IKZF1: variants seen among roughly 807,000 people sequenced by gnomAD.
The protein encoded by IKZF1 is DNA-binding protein Ikaros.
IKZF1 carries 10 observed loss-of-function variants against 51.7 expected under a neutral mutation model. The observed-to-expected ratio is 0.19, with a 90% CI of 0.12 to 0.33. IKZF1 has a LOEUF of 0.33. IKZF1 is among the 10% of genes least tolerant of loss of function. The pLI is 1.00. For synonymous variants in IKZF1, 280 were observed against 282.3 expected, an observed-to-expected ratio of 0.99 and a Z score of 0.08; for missense variants, 484 against 707.5, an observed-to-expected ratio of 0.68 and a Z score of 3.58.
At chr7:50,362,698 G>A (rs1805622157) in intron 3 of IKZF1, among the ~76,000 whole-genome samples, 2 of 152,164 alleles carry the variant, frequency 1.3e-5, no homozygotes, top group Admixed American at 1.3e-4. Context: ...ACCAGTTGTA[G>A]GGAGATTTTG....
chr7:50,396,578 C>G (rs1354320229), intron 7 of IKZF1, among the ~76,000 whole-genome samples: 1 of 152,160 alleles, frequency 6.6e-6, no homozygotes. Flanking sequence ...CTTTCTTCCC[C>G]TGTATTTCTA....
chr7:50,334,762 A>G (rs933167768), intron 3 of IKZF1, among the ~76,000 whole-genome samples: 1 of 147,800 alleles, frequency 6.8e-6, no homozygotes, highest in African/African-American at 2.5e-5. Context: ...TGCGGTGTGT[A>G]TGTATGGTGT....
chr7:50,303,610 C>T (rs1313411067), upstream of IKZF1, among the ~76,000 whole-genome samples: 1 of 152,100 alleles, frequency 6.6e-6, no homozygotes, highest in Non-Finnish European at 1.5e-5. This position sits in a 1 kb window ranked among gnomAD's most constrained non-coding sequence, Gnocchi z 4.7. Context: ...ACTTTTCCCA[C>T]CCCCTCGGGT....
intron 3 of IKZF1, among the ~76,000 whole-genome samples, chr7:50,330,021 G>T (rs1796092184): frequency 6.6e-6 from 1 of 152,158 alleles, no homozygotes; most frequent in Non-Finnish European, 1.5e-5. Flanking sequence ...GGGTTTTCCT[G>T]GGTGGGAGAT....
rs1014064137 is a variant in IKZF1 at position 50,382,716 on chromosome 7, C to T, written c.589+9C>T. Reference sequence around the variant, plus strand: ...CCTGAGGACGCACTCCGGTAGGTCCCCTGGATGCAGTCCGGGGCTGTCTGG... The same window carrying T: ...CCTGAGGACGCACTCCGGTAGGTCCTCTGGATGCAGTCCGGGGCTGTCTGG... On this transcript the variant is annotated intron_variant, in intron 5 of 7. Transcript: ENST00000331340. 2.5e-6 allele frequency: 4 copies of T among 1,602,244 alleles called. No individual in the cohort carries two copies. The highest frequency in any genetic ancestry group is 2.7e-5 in the African/African-American group (2 of 74,992).
chr7:50,371,448 G>C (rs1387407319), intron 3 of IKZF1, among the ~76,000 whole-genome samples: 1 of 152,248 alleles, frequency 6.6e-6, no homozygotes, highest in Non-Finnish European at 1.5e-5. Flanking sequence ...TCTAGGTAAA[G>C]GAAAAGGTCT....
chr7:50,326,050 A>AAGT (rs559223125), intron 2 of IKZF1, among the ~76,000 whole-genome samples: 149 of 152,354 alleles, frequency 9.8e-4, no homozygotes, highest in African/African-American at 3.3e-3. Flanking sequence ...CCAGAGAATG[A>AAGT]AGTAGTATTC....
intron 3 of IKZF1, among the ~76,000 whole-genome samples, chr7:50,374,100 G>A (rs1397063529): frequency 6.6e-6 from 1 of 152,176 alleles, no homozygotes; most frequent in African/African-American, 2.4e-5. Context: ...TGGTCTCCAA[G>A]TCCACCATGT....
Position 50,387,448 on chromosome 7 carries a change from C to T in IKZF1, c.693C>T (p.Gly231=), listed in dbSNP as rs746814899. ...GCCACAACTACTTGGAAAGCATGGG[C>T]CTTCCGGGCACACTGTACCCAGGTA... ...ERCHNYLESM[G]LPGTLYPVIK... Residue 231 remains glycine, a synonymous_variant, in exon 6 of 8, where the codon GGC becomes GGT. Transcript: ENST00000331340. The T allele has an allele frequency of 1.2e-6, 2 of 1,611,616 alleles. No individual in the cohort carries two copies. The highest frequency in any genetic ancestry group is 2.2e-5 in the South Asian group (2 of 90,588).
chr7:50,359,638 G>A (rs767992334), intron 3 of IKZF1, among the ~76,000 whole-genome samples: 1 of 152,260 alleles, frequency 6.6e-6, no homozygotes, highest in African/African-American at 2.4e-5. Flanking sequence ...ATTTGCACAT[G>A]TACATACACA....
Position 50,331,013 on chromosome 7 carries a change from C to T in IKZF1, c.160+3256C>T, listed in dbSNP as rs576825172. Among the ~76,000 whole-genome samples, 3 of 152,032 alleles carry T rather than the reference C, an allele frequency of 2.0e-5. No homozygotes were observed. In the East Asian group the frequency reaches 5.8e-4, roughly 29 times the overall value. The stretch of plus-strand genomic sequence containing the variant: ...CCTCACTTTCCTCTTTTGAAGGTGG[C>T]AATAGTAACTGAACCTGCATCACAG... On this transcript the variant is annotated intron_variant, in intron 3 of 7. Coordinates refer to ENST00000331340, the MANE Select transcript of IKZF1 (RefSeq NM_006060.6).
intron 1 of IKZF1, among the ~76,000 whole-genome samples, chr7:50,316,150 C>T (rs1218470067): frequency 6.6e-6 from 1 of 152,096 alleles, no homozygotes; most frequent in Non-Finnish European, 1.5e-5. Context: ...TTCAGGTGCC[C>T]GTCAAGTCAT....
chr7:50,311,801 T>C (rs1790234293), intron 1 of IKZF1, among the ~76,000 whole-genome samples: 1 of 152,210 alleles, frequency 6.6e-6, no homozygotes, highest in Admixed American at 6.5e-5. Flanking sequence ...AGATAAAGCA[T>C]TCTTTGTGAC....
intron 7 of IKZF1, among the ~76,000 whole-genome samples, chr7:50,399,403 C>A (rs12112451): frequency 0.039 from 5,946 of 151,006 alleles, 260 homozygotes; most frequent in African/African-American, 0.11. Flanking sequence ...TTATTAAATA[C>A]AATTATTAAA....
chr7:50,362,354 G>C (rs1805509438), intron 3 of IKZF1, among the ~76,000 whole-genome samples: 1 of 152,244 alleles, frequency 6.6e-6, no homozygotes, highest in Non-Finnish European at 1.5e-5. Context: ...GGGGCATTTG[G>C]AGCTGAAGGG....
At position 50,318,259 on chromosome 7, in the gene IKZF1, G is replaced by A. The variant is rs958898588; in HGVS notation, c.-14-789G>A. The A allele has an allele frequency of 5.2e-5, 12 of 231,134 alleles. No individual in the cohort carries two copies. The East Asian group carries it at 7.3e-4, about 14-fold the overall frequency. 14.3% of individuals were successfully genotyped at this position (231,134 alleles called of 1,614,324 possible). A position where few individuals can be genotyped will look rare whatever the true frequency, so the allele number is the denominator to read the frequency against. Reference sequence around the variant, plus strand: ...TACACTCTGTGGAACATTCACTATGGTCATCGAAGGGCAGCATCTTCCCAG... The same window carrying A: ...TACACTCTGTGGAACATTCACTATGATCATCGAAGGGCAGCATCTTCCCAG... On this transcript the variant is annotated intron_variant, in intron 1 of 7. Transcript: ENST00000331340.
intron 3 of IKZF1, among the ~76,000 whole-genome samples, chr7:50,339,923 A>G (rs1798683805): frequency 6.6e-6 from 1 of 152,174 alleles, no homozygotes; most frequent in East Asian, 1.9e-4. Flanking sequence ...ATTTTTCCAG[A>G]AAAATATTAG....
intron 3 of IKZF1, among the ~76,000 whole-genome samples, chr7:50,374,585 ATG>A (rs1399310994): frequency 1.3e-5 from 2 of 152,180 alleles, no homozygotes; most frequent in African/African-American, 4.8e-5. Flanking sequence ...AGTACAATTA[ATG>A]TGCTGTGTGC....
chr7:50,339,516 C>T (rs957264944), intron 3 of IKZF1, among the ~76,000 whole-genome samples: 49 of 151,816 alleles, frequency 3.2e-4, no homozygotes, highest in African/African-American at 1.1e-3. Context: ...TTTGGGAGGC[C>T]GAGGCAGGCA....
Sources: gnomAD v4.1 joint callset for allele counts (sites outside exome capture counted in the v4.1 genomes callset) on GRCh38, gnomAD v4.1.1 for gene constraint, Gnocchi (gnomAD v3.1) non-coding constraint, MANE v1.5 for transcripts, NCBI Gene and HGNC (gene_info 2026-07-23, HGNC 2026-07-21) for gene names.